Variants in PCYT1B observed in about 807,000 individuals in gnomAD.
PCYT1B encodes phosphate cytidylyltransferase 1B, choline, also known as choline-phosphate cytidylyltransferase B.
PCYT1B carries 10 observed loss-of-function variants against 26.4 expected under a neutral mutation model. That is an observed-to-expected ratio of 0.38 (90% CI 0.23 to 0.64). The LOEUF (loss-of-function observed/expected upper bound fraction) is 0.64. Among genes scored for constraint, PCYT1B ranks in the 30% least tolerant of loss-of-function variants. The probability of loss-of-function intolerance (pLI) is 0.56; values close to 1 mark genes in which losing one functional copy is unlikely to be tolerated. For missense variants in PCYT1B, 161 were observed against 292.7 expected (o/e 0.55, Z 3.28); for synonymous variants, 131 against 108.4 (o/e 1.21, Z -1.29).
At chrX:24,598,523 G>A (rs961619624) in intron 3 of PCYT1B, among the ~76,000 whole-genome samples, 12 of 109,692 alleles carry the variant, frequency 1.1e-4, no homozygotes, top group Admixed American at 5.9e-4. Context: ...ACACACACAC[G>A]TGTGCCAATA....
At chrX:24,600,226 G>A (rs1432966626) in intron 3 of PCYT1B, among the ~76,000 whole-genome samples, 1 of 111,148 alleles carries the variant, frequency 9.0e-6, no homozygotes, top group African/African-American at 3.3e-5. Context: ...GTTTTAAAAT[G>A]TCAATATTGG....
chrX:24,573,163 C>T (rs4898280), intron 7 of PCYT1B, among the ~76,000 whole-genome samples: 74 of 24,568 alleles, frequency 3.0e-3, no homozygotes, highest in African/African-American at 5.0e-3. Context: ...CACACACACA[C>T]ATATATATAT....
intron 7 of PCYT1B, among the ~76,000 whole-genome samples, 177 bp downstream of exon 7, chrX:24,574,953 C>T (rs929382177): frequency 8.9e-5 from 10 of 112,014 alleles, no homozygotes; most frequent in Non-Finnish European, 1.3e-4. Flanking sequence ...GCCATATTGA[C>T]GAGTAAAGCA....
chrX:24,642,415 T>G (rs1926494301), intron 1 of PCYT1B, among the ~76,000 whole-genome samples: 1 of 112,703 alleles, frequency 8.9e-6, no homozygotes, highest in South Asian at 3.6e-4. Context: ...ACATGCACTC[T>G]TTTGATTTCT....
At chrX:24,564,138 C>T (rs1036546308) in intron 7 of PCYT1B, among the ~76,000 whole-genome samples, 63 of 107,821 alleles carry the variant, frequency 5.8e-4, no homozygotes, top group South Asian at 1.3e-3. Context: ...GCCGAGATGG[C>T]GCCACTGTAC....
intron 1 of PCYT1B, among the ~76,000 whole-genome samples, chrX:24,661,970 C>A (rs755201088): frequency 4.5e-5 from 5 of 111,323 alleles, no homozygotes; most frequent in Non-Finnish European, 9.4e-5. Flanking sequence ...TTGAGAACAG[C>A]CTGGGCAACA....
intron 1 of PCYT1B, chrX:24,621,806 G>A: frequency 3.0e-6 from 2 of 658,027 alleles, no homozygotes; most frequent in South Asian, 7.8e-5. Flanking sequence ...TCTTGTATGT[G>A]CTACTCACAA....
At chrX:24,599,799 T>C (rs948340799) in intron 3 of PCYT1B, among the ~76,000 whole-genome samples, 2 of 112,213 alleles carry the variant, frequency 1.8e-5, no homozygotes, top group Non-Finnish European at 3.8e-5. Context: ...AAATAGCTTG[T>C]TATATGTTTT....
chrX:24,573,133 T>TACAC (rs768268080), intron 7 of PCYT1B, among the ~76,000 whole-genome samples: 108 of 93,220 alleles, frequency 1.2e-3, no homozygotes, highest in Middle Eastern at 5.3e-3. Flanking sequence ...TACACACACA[T>TACAC]ACACACACAC....
chrX:24,601,503 A>G (rs1280453123), intron 3 of PCYT1B, among the ~76,000 whole-genome samples: 1 of 110,533 alleles, frequency 9.0e-6, no homozygotes, highest in African/African-American at 3.3e-5. Context: ...GAAAAAAAAA[A>G]AAAAAAAGAC....
At chrX:24,658,275 G>A (rs1340398307) in intron 1 of PCYT1B, 2 of 112,216 alleles carry the variant, frequency 1.8e-5, no homozygotes, top group Non-Finnish European at 3.8e-5. Flanking sequence ...TCTGCACTCA[G>A]AGTCTTTGAA....
intron 1 of PCYT1B, among the ~76,000 whole-genome samples, chrX:24,637,628 C>T (rs1177335679): frequency 9.7e-6 from 1 of 103,565 alleles, no homozygotes; most frequent in Non-Finnish European, 1.9e-5. Flanking sequence ...CATGCCACTG[C>T]ACCCAGCCTG....
intron 5 of PCYT1B, among the ~76,000 whole-genome samples, chrX:24,586,867 C>A (rs1251425627): frequency 3.6e-5 from 4 of 111,887 alleles, no homozygotes; most frequent in African/African-American, 9.7e-5. Flanking sequence ...TATCTACCTG[C>A]TTCTGGAAGG....
intron 7 of PCYT1B, among the ~76,000 whole-genome samples, chrX:24,564,206 A>G (rs1923538058): frequency 1.8e-5 from 2 of 109,096 alleles, no homozygotes; most frequent in Admixed American, 1.9e-4. Context: ...AAAATCCAAG[A>G]TGGTGATGGA....
In PCYT1B at chrX:24,558,305, T is replaced by G. The variant is rs1373718374; in HGVS notation, c.*3988A>C. 1 of 112,172 alleles carries G rather than the reference T, an allele frequency of 8.9e-6. No homozygotes were observed. Among genetic ancestry groups the G allele is most frequent in the Admixed American group, 9.5e-5 (1 of 10,520 alleles). 9.2% of individuals were successfully genotyped at this position (112,172 alleles called of 1,213,427 possible). A position where few individuals can be genotyped will look rare whatever the true frequency, so the allele number is the denominator to read the frequency against. ...TATATGTACAGCATAGTCTTAAGTA[T>G]GTATGCTCTACTTATGGCTTTGTCC... On this transcript the variant is annotated 3_prime_UTR_variant, in exon 8 of 8. Transcript: ENST00000379144.
chrX:24,607,243 T>A (rs138233173), intron 3 of PCYT1B, among the ~76,000 whole-genome samples: 98 of 112,461 alleles, frequency 8.7e-4, no homozygotes, highest in African/African-American at 3.0e-3. Context: ...TTTAACACAC[T>A]GCTACAAATT....
chrX:24,581,422 T>C (rs1253480941), intron 5 of PCYT1B, among the ~76,000 whole-genome samples: 5 of 111,955 alleles, frequency 4.5e-5, no homozygotes, highest in Non-Finnish European at 7.5e-5. Flanking sequence ...GTTTCTTCAG[T>C]GTCCTGAAAG....
intron 1 of PCYT1B, among the ~76,000 whole-genome samples, chrX:24,624,894 A>C (rs1925837057): frequency 8.9e-6 from 1 of 112,494 alleles, no homozygotes; most frequent in Non-Finnish European, 1.9e-5. Context: ...TACCTTTGTA[A>C]GTATTACCTT....
rs148789676 is a variant in PCYT1B at position 24,562,362 on chromosome X, G to A, written c.1041C>T (p.Pro347=). 989 of 1,175,999 alleles carry A rather than the reference G, an allele frequency of 8.4e-4. 1 individual carries two copies. The highest frequency in any genetic ancestry group is 1.7e-3 in the Middle Eastern group (7 of 4,154). The stretch of plus-strand genomic sequence containing the variant: ...CTGAGGCTGCTTTGGGTGAGGAAGG[G>A]GGTGAGGTTTTGAGTGGAAGCCATG... ...TFSWLPLKTS[P]PSSPKAASAS... is the part of the protein sequence containing the mutation. The change falls in exon 8 of 8, where the codon CCC becomes CCT. Residue 347 remains proline (P), a synonymous_variant. Coordinates refer to ENST00000379144, the MANE Select transcript of PCYT1B (RefSeq NM_004845.5).
Sources: gnomAD v4.1 joint callset for allele counts (sites outside exome capture counted in the v4.1 genomes callset) on GRCh38, gnomAD v4.1.1 for gene constraint, MANE v1.5 for transcripts, NCBI Gene and HGNC (gene_info 2026-07-23, HGNC 2026-07-21) for gene names.